The following OR9Q1 variants were observed in gnomAD, a reference collection of about 807,000 sequenced individuals.
OR9Q1 encodes the protein olfactory receptor family 9 subfamily Q member 1.
For synonymous variants in OR9Q1, 153 were observed against 148.6 expected (o/e 1.03, Z -0.22); for missense variants, 374 against 378.8 (o/e 0.99, Z 0.11).
rs17152440 is a variant in OR9Q1 at position 58,164,072 on chromosome 11, A to G, written c.-14-15359A>G. Among the ~76,000 whole-genome samples the G allele has an allele frequency of 7.0e-3, 1,072 of 152,290 alleles. 10 individuals carry two copies. Among genetic ancestry groups the G allele is most frequent in the African/African-American group, 0.019 (774 of 41,560 alleles). On this transcript the variant is annotated intron_variant, in intron 2 of 2. Coordinates refer to ENST00000335397, the MANE Select transcript of OR9Q1 (RefSeq NM_001005212.4). ...GGATTGGCTATGACAGTGTTGGGGC[A>G]AAACAAACTAGTAGAGTCTTACGCT... is the stretch of plus-strand genomic sequence containing the variant.
intron 2 of OR9Q1, among the ~76,000 whole-genome samples, chr11:58,086,281 T>G (rs1337655055): frequency 1.3e-5 from 2 of 151,820 alleles, no homozygotes; most frequent in Non-Finnish European, 2.9e-5. Context: ...TCGCTAATCA[T>G]TAGGTAAATA....
rs112829072 is a variant in OR9Q1, at chr11:58,150,964, T to C, written c.-14-28467T>C. Among the ~76,000 whole-genome samples, 861 of 152,306 alleles carry C rather than the reference T, an allele frequency of 5.7e-3. 11 individuals carry two copies. Among genetic ancestry groups the C allele is most frequent in the African/African-American group, 0.019 (810 of 41,572 alleles). On this transcript the variant is annotated intron_variant, in intron 2 of 2. Transcript: ENST00000335397. ...AAGACAAAATGTGCTTTTGGTATGATACCTAAAAAATCATTGCCACATCCA... is the reference window on the plus strand; with the variant it reads ...AAGACAAAATGTGCTTTTGGTATGACACCTAAAAAATCATTGCCACATCCA...
At chr11:58,166,217 A>T (rs757234383) in intron 2 of OR9Q1, among the ~76,000 whole-genome samples, 2 of 152,154 alleles carry the variant, frequency 1.3e-5, no homozygotes, top group Non-Finnish European at 2.9e-5. Flanking sequence ...TAAAGACTTA[A>T]TTGGGGTTAT....
intron 1 of OR9Q1, among the ~76,000 whole-genome samples, chr11:58,032,427 C>A (rs1853051416): frequency 6.6e-6 from 1 of 152,094 alleles, no homozygotes. Flanking sequence ...GACACATAGA[C>A]CAATGGGACA....
At chr11:58,123,081 T>G (rs1042570941) in intron 2 of OR9Q1, among the ~76,000 whole-genome samples, 1 of 152,136 alleles carries the variant, frequency 6.6e-6, no homozygotes, top group African/African-American at 2.4e-5. Flanking sequence ...AAAGCAGCCC[T>G]TTAAGCAGAT....
intron 2 of OR9Q1, among the ~76,000 whole-genome samples, chr11:58,157,219 A>G (rs1418359976): frequency 6.6e-6 from 1 of 152,034 alleles, no homozygotes; most frequent in African/African-American, 2.4e-5. Flanking sequence ...GCCTCTTTGC[A>G]CCGTCTACTC....
At chr11:58,083,706 C>A (rs910797524) in intron 2 of OR9Q1, among the ~76,000 whole-genome samples, 1 of 151,272 alleles carries the variant, frequency 6.6e-6, no homozygotes, top group Non-Finnish European at 1.5e-5. Flanking sequence ...CACCATTTAT[C>A]GAACAGGGAA....
At chr11:58,145,377 G>A (rs1464159084) in intron 2 of OR9Q1, 1 of 152,440 alleles carries the variant, frequency 6.6e-6, no homozygotes, top group African/African-American at 2.4e-5. Context: ...CATGAAAGAG[G>A]CTCTGAAGAA....
At chr11:58,171,963 A>G (rs892775902) in intron 2 of OR9Q1, among the ~76,000 whole-genome samples, 5 of 152,168 alleles carry the variant, frequency 3.3e-5, no homozygotes, top group Non-Finnish European at 7.3e-5. Flanking sequence ...ATTGATAAAT[A>G]CTTGAAATTC....
In OR9Q1 at chr11:58,097,691, A is replaced by C. The variant is rs190772539; in HGVS notation, c.-15+41744A>C. Among the ~76,000 whole-genome samples the C allele has an allele frequency of 4.3e-3, 650 of 152,350 alleles. 1 individual carries two copies. Among genetic ancestry groups the C allele is most frequent in the Non-Finnish European group, 6.4e-3 (435 of 68,030 alleles). The stretch of plus-strand genomic sequence containing the variant: ...TAGCAGCCATGTTTGTATCAGGCAA[A>C]AATGTAAAACAATCTAAATGTTCAT... On this transcript the variant is annotated intron_variant, in intron 2 of 2. Transcript: ENST00000335397.
At chr11:58,047,878 G>A (rs1009714008) in intron 1 of OR9Q1, among the ~76,000 whole-genome samples, 1 of 152,116 alleles carries the variant, frequency 6.6e-6, no homozygotes, top group Non-Finnish European at 1.5e-5. Context: ...GAGAGACTCC[G>A]TCTCACATTA....
rs1304618406 is a variant in OR9Q1 at position 58,082,756 on chromosome 11, AATAATAATAATAAT to A, written c.-15+26811_-15+26824del. On this transcript the variant is annotated intron_variant, in intron 2 of 2. Transcript: ENST00000335397. ...AAACTTAAAGTATAATAATAATAAT[AATAATAATAATAAT>A]AAAAAGTTAGGTCTTCTTTTTTTAA... Among the ~76,000 whole-genome samples the A allele has an allele frequency of 1.2e-4, 16 of 130,264 alleles. No homozygotes were observed. The South Asian group carries it at 4.7e-3, about 39-fold the overall frequency. The allele number at this position is 130,264 out of a possible 152,430, so 85.5% of individuals were successfully genotyped here.
At chr11:58,170,966 G>C (rs921172938) in intron 2 of OR9Q1, 2 of 152,144 alleles carry the variant, frequency 1.3e-5, no homozygotes, top group Non-Finnish European at 2.9e-5. Flanking sequence ...TTAAAGAAAA[G>C]CATGTGACAA....
intron 2 of OR9Q1, among the ~76,000 whole-genome samples, chr11:58,067,078 C>T (rs1218336279): frequency 6.6e-6 from 1 of 150,544 alleles, no homozygotes; most frequent in Non-Finnish European, 1.5e-5. Context: ...GTCGCCCAGG[C>T]TGGAGTGCAG....
At chr11:58,128,546 A>C (rs1854111117) in intron 2 of OR9Q1, among the ~76,000 whole-genome samples, 1 of 152,178 alleles carries the variant, frequency 6.6e-6, no homozygotes, top group Non-Finnish European at 1.5e-5. Flanking sequence ...AGCTTATATC[A>C]AAACAAATGT....
intron 2 of OR9Q1, among the ~76,000 whole-genome samples, chr11:58,131,625 T>C (rs1178632627): frequency 6.6e-6 from 1 of 152,094 alleles, no homozygotes; most frequent in East Asian, 1.9e-4. Flanking sequence ...CCCTTGAGTT[T>C]GTTCAACAGC....
At chr11:58,148,982 T>A (rs992438528) in intron 2 of OR9Q1, among the ~76,000 whole-genome samples, 2 of 152,176 alleles carry the variant, frequency 1.3e-5, no homozygotes, top group Admixed American at 6.5e-5. Flanking sequence ...AATCGTGAGG[T>A]TTTCTGAAAA....
At chr11:58,077,783 A>C (rs1853551341) in intron 2 of OR9Q1, 3 of 152,204 alleles carry the variant, frequency 2.0e-5, no homozygotes, top group Admixed American at 1.3e-4. Context: ...TCACAGAAGA[A>C]GCGGGCAAAT....
At chr11:58,167,874 C>G (rs544382594) in intron 2 of OR9Q1, among the ~76,000 whole-genome samples, 5 of 152,278 alleles carry the variant, frequency 3.3e-5, no homozygotes, top group Admixed American at 1.3e-4. Context: ...CACACCATCC[C>G]TTCAGCTGCA....
Sources: gnomAD v4.1 joint callset for allele counts (sites outside exome capture counted in the v4.1 genomes callset) on GRCh38, gnomAD v4.1.1 for gene constraint, MANE v1.5 for transcripts, NCBI Gene and HGNC (gene_info 2026-07-23, HGNC 2026-07-21) for gene names.